Variants in MPP7 observed in about 807,000 individuals in gnomAD.
MPP7 encodes MAGUK p55 scaffold protein 7, also known as MAGUK p55 subfamily member 7.
Under a neutral mutation model 76.5 loss-of-function variants are expected in MPP7, and 60 were observed. The ratio of observed to expected loss-of-function variants is 0.78; its 90% CI spans 0.64 to 0.97. The LOEUF (loss-of-function observed/expected upper bound fraction) is 0.97. MPP7 is among the 50% of genes least tolerant of loss of function. The pLI, the probability that MPP7 is intolerant of heterozygous loss-of-function variation, is 0.00. For missense variants in MPP7, 641 were observed against 694.0 expected (o/e 0.92, Z 0.86); for synonymous variants, 237 against 244.5 (o/e 0.97, Z 0.29).
intron 2 of MPP7, among the ~76,000 whole-genome samples, chr10:28,312,093 A>G (rs1397282010): frequency 6.6e-6 from 1 of 152,176 alleles, no homozygotes; most frequent in Non-Finnish European, 1.5e-5. Context: ...GAGCAGCAGC[A>G]AGATTTATTG....
intron 1 of MPP7, among the ~76,000 whole-genome samples, chr10:28,292,872 G>A (rs1840952092): frequency 6.6e-6 from 1 of 152,142 alleles, no homozygotes; most frequent in Non-Finnish European, 1.5e-5. Context: ...GTCTCTGTGT[G>A]CATATATACG....
intron 1 of MPP7, among the ~76,000 whole-genome samples, chr10:28,266,481 GA>G (rs1840153539): frequency 6.6e-6 from 1 of 152,184 alleles, no homozygotes; most frequent in African/African-American, 2.4e-5. Context: ...GAGGCAGAAG[GA>G]TCTCTTGAAC....
At position 28,238,649 on chromosome 10, in the gene MPP7, C is replaced by T. The variant is rs377051243; in HGVS notation, c.-45G>A. ...GGTCAGCCCACCGCTCTCCGGACAC[C>T]CTGCCTTCGGACAGCCACAGGGAAT... On this transcript the variant is annotated 5_prime_UTR_variant, in exon 2 of 17. Coordinates refer to ENST00000683449, the MANE Select transcript of MPP7 (RefSeq NM_001318170.2). 2 of 1,609,978 alleles carry T rather than the reference C, an allele frequency of 1.2e-6. No individual in the cohort carries two copies. The highest frequency in any genetic ancestry group is 4.5e-5 in the East Asian group (2 of 44,818).
intron 1 of MPP7, among the ~76,000 whole-genome samples, chr10:28,252,693 C>T (rs1050616857): frequency 2.0e-5 from 3 of 151,764 alleles, no homozygotes; most frequent in South Asian, 2.1e-4. Context: ...TTTTTTTTTC[C>T]ATCTTGGCAA....
At chr10:28,191,574 T>C (rs763316406) in intron 3 of MPP7, among the ~76,000 whole-genome samples, 5 of 152,208 alleles carry the variant, frequency 3.3e-5, no homozygotes, top group Non-Finnish European at 7.3e-5. Flanking sequence ...CACTTTGAGA[T>C]TCTGGACTTT....
At position 28,106,496 on chromosome 10, in the gene MPP7, G is replaced by C. The variant is rs191382732; in HGVS notation, c.952+13155C>G. Among the ~76,000 whole-genome samples, 454 of 152,284 alleles carry C rather than the reference G, an allele frequency of 3.0e-3. 3 individuals carry two copies. The highest frequency in any genetic ancestry group is 0.014 in the Admixed American group (217 of 15,298). ...GCTGTTTAGCCAACGGTTATTTAGAGGGGTTATGGGAATAAGAAGTCATAA... is the reference window on the plus strand; with the variant it reads ...GCTGTTTAGCCAACGGTTATTTAGACGGGTTATGGGAATAAGAAGTCATAA... On this transcript the variant is annotated intron_variant, in intron 11 of 16. Transcript: ENST00000683449.
rs1025053979 is a variant in MPP7 at position 28,196,486 on chromosome 10, A to C, written c.156+5667T>G. ...CACAGCGAGACTCCATCTCGAAAAA[A>C]AAAAAAAAAAGATTCACACATCCAA... On this transcript the variant is annotated intron_variant, in intron 3 of 16. Coordinates refer to ENST00000683449, the MANE Select transcript of MPP7 (RefSeq NM_001318170.2). Among the ~76,000 whole-genome samples, 30 of 152,144 alleles carry C rather than the reference A, an allele frequency of 2.0e-4. 1 individual carries two copies. The highest frequency in any genetic ancestry group is 1.4e-3 in the Admixed American group (21 of 15,288).
chr10:28,251,417 G>C (rs995150029), intron 1 of MPP7, among the ~76,000 whole-genome samples: 106 of 151,818 alleles, frequency 7.0e-4, no homozygotes, highest in African/African-American at 2.5e-3. Flanking sequence ...AGCCGAGATC[G>C]CACCATTGCA....
intron 11 of MPP7, among the ~76,000 whole-genome samples, chr10:28,103,739 C>T (rs1255632977): frequency 8.1e-6 from 1 of 123,804 alleles, no homozygotes; most frequent in Non-Finnish European, 1.5e-5. Flanking sequence ...AAAAGGCACT[C>T]AAAAATATTG....
At chr10:28,226,617 GT>G (rs1375549482) in intron 2 of MPP7, among the ~76,000 whole-genome samples, 1 of 152,066 alleles carries the variant, frequency 6.6e-6, no homozygotes, top group African/African-American at 2.4e-5. Context: ...GCAGATAGTG[GT>G]GATGATCATA....
chr10:28,257,656 T>G, intron 1 of MPP7, among the ~76,000 whole-genome samples: 1 of 147,916 alleles, frequency 6.8e-6, no homozygotes, highest in Non-Finnish European at 1.5e-5. Flanking sequence ...GATGACGAGT[T>G]AGTGGGTGCA....
intron 12 of MPP7, among the ~76,000 whole-genome samples, chr10:28,077,981 A>C (rs533825568): frequency 6.6e-6 from 1 of 152,216 alleles, no homozygotes; most frequent in Non-Finnish European, 1.5e-5. Context: ...CATTATCCTC[A>C]TTTTACAGAT....
chr10:28,286,138 T>C (rs1057020768), intron 1 of MPP7, among the ~76,000 whole-genome samples: 7 of 151,728 alleles, frequency 4.6e-5, no homozygotes, highest in African/African-American at 1.5e-4. Context: ...AGGTCAGGAG[T>C]TCGAGACCAT....
At chr10:28,190,615 T>C (rs1194104633) in intron 3 of MPP7, among the ~76,000 whole-genome samples, 2 of 151,940 alleles carry the variant, frequency 1.3e-5, no homozygotes, top group Non-Finnish European at 2.9e-5. Context: ...TTAAATTAAG[T>C]GGAAATGAAA....
chr10:28,184,397 T>C (rs1220330090), intron 3 of MPP7, among the ~76,000 whole-genome samples: 2 of 148,436 alleles, frequency 1.3e-5, no homozygotes, highest in East Asian at 3.9e-4. Flanking sequence ...ATTAATATAT[T>C]ACAATATTAA....
chr10:28,089,781 T>A lies in MPP7; in HGVS notation c.1013A>T (p.Tyr338Phe). 1 of 1,603,342 alleles carries A rather than the reference T, an allele frequency of 6.2e-7. No individual in the cohort carries two copies. The highest frequency in any genetic ancestry group is 8.5e-7 in the Non-Finnish European group (1 of 1,170,848). The change falls in exon 12 of 17, where the codon TAT becomes TTT. Residue 338 changes from tyrosine to phenylalanine, a missense_variant. Coordinates refer to ENST00000683449, the MANE Select transcript of MPP7 (RefSeq NM_001318170.2). ...GTACTGATCACTCTTCTTGCATTCA[T>A]ACATGGATTTATTTGTTTTCTTATC... Reference protein sequence around the residue: ...RKDKKTNKSMYECKKSDQYDT... With the variant: ...RKDKKTNKSMFECKKSDQYDT...
intron 2 of MPP7, among the ~76,000 whole-genome samples, chr10:28,220,733 A>G (rs1453064766): frequency 6.6e-6 from 1 of 152,174 alleles, no homozygotes; most frequent in Non-Finnish European, 1.5e-5. Flanking sequence ...GAGATGATGT[A>G]GTAGAAAGAG....
intron 12 of MPP7, among the ~76,000 whole-genome samples, chr10:28,075,003 T>G (rs1852419959): frequency 6.6e-6 from 1 of 152,068 alleles, no homozygotes; most frequent in Non-Finnish European, 1.5e-5. Context: ...TGAAGCATGA[T>G]TCTATCCTCT....
chr10:28,289,082 T>G (rs1782437432), intron 1 of MPP7, among the ~76,000 whole-genome samples: 1 of 151,962 alleles, frequency 6.6e-6, no homozygotes, highest in Non-Finnish European at 1.5e-5. Flanking sequence ...GGCGGATCAT[T>G]TGAGGTCAGG....
Sources: gnomAD v4.1 joint callset for allele counts (sites outside exome capture counted in the v4.1 genomes callset) on GRCh38, gnomAD v4.1.1 for gene constraint, MANE v1.5 for transcripts, NCBI Gene and HGNC (gene_info 2026-07-23, HGNC 2026-07-21) for gene names.